The following EYA2 variants were observed in gnomAD, a reference collection of about 807,000 sequenced individuals.
The protein encoded by EYA2 is EYA transcriptional coactivator and phosphatase 2.
Under a neutral mutation model 69.2 loss-of-function variants are expected in EYA2, and 31 were observed. That is an observed-to-expected ratio of 0.45 (90% CI 0.34 to 0.60). The LOEUF is 0.60. Among genes scored for constraint, EYA2 ranks in the 20% least tolerant of loss-of-function variants. The probability of loss-of-function intolerance (pLI) is 0.02; values close to 1 mark genes in which losing one functional copy is unlikely to be tolerated. For synonymous variants in EYA2, 257 were observed against 279.4 expected (o/e 0.92, Z 0.80); for missense variants, 622 against 701.2 (o/e 0.89, Z 1.28).
At chr20:47,101,527 G>A (rs1404634934) in intron 9 of EYA2, among the ~76,000 whole-genome samples, 4 of 152,150 alleles carry the variant, frequency 2.6e-5, no homozygotes, top group Admixed American at 1.3e-4. Flanking sequence ...GGCTGTCATG[G>A]CCAGTTAAAA....
chr20:47,175,745 G>T (rs931698927), intron 12 of EYA2, among the ~76,000 whole-genome samples: 3 of 152,160 alleles, frequency 2.0e-5, no homozygotes, highest in African/African-American at 7.2e-5. Context: ...AAGACAGCAC[G>T]TTGGGAAGCC....
chr20:47,124,621 C>T (rs530527156), intron 9 of EYA2, among the ~76,000 whole-genome samples: 2 of 152,212 alleles, frequency 1.3e-5, no homozygotes, highest in Admixed American at 1.3e-4. Flanking sequence ...TGCCCCTCAG[C>T]CCTGGGCAGT....
Position 46,941,025 on chromosome 20 carries a change from A to G in EYA2, c.-11+46038A>G, listed in dbSNP as rs73622689. Among the ~76,000 whole-genome samples, 580 of 152,346 alleles carry G rather than the reference A, an allele frequency of 3.8e-3. 11 individuals carry two copies. In the East Asian group the frequency reaches 0.051, roughly 13 times the overall value. ...GGCAACTATGAAATCAACAGTGGGAAAGGTGCAAGAGGCCCCATCTTCCCA... is the reference window on the plus strand; with the variant it reads ...GGCAACTATGAAATCAACAGTGGGAGAGGTGCAAGAGGCCCCATCTTCCCA... On this transcript the variant is annotated intron_variant, in intron 1 of 15. Transcript: ENST00000327619.
intron 15 of EYA2, among the ~76,000 whole-genome samples, chr20:47,184,498 G>T (rs2034598835): frequency 1.4e-5 from 2 of 147,258 alleles, no homozygotes; most frequent in African/African-American, 5.1e-5. Flanking sequence ...GCTTACTGCA[G>T]CCTCTACCTA....
At chr20:46,951,029 A>G (rs1214258128) in intron 1 of EYA2, among the ~76,000 whole-genome samples, 1 of 152,196 alleles carries the variant, frequency 6.6e-6, no homozygotes, top group African/African-American at 2.4e-5. Context: ...TATACCCCAC[A>G]TATGCCAGAA....
chr20:46,934,940 C>G (rs549952594), intron 1 of EYA2, among the ~76,000 whole-genome samples: 1 of 152,322 alleles, frequency 6.6e-6, no homozygotes, highest in African/African-American at 2.4e-5. Context: ...TTTTTAAATT[C>G]ATTCATCCAA....
intron 10 of EYA2, chr20:47,161,481 T>C (rs948231037): frequency 1.0e-4 from 46 of 450,814 alleles, no homozygotes; most frequent in African/African-American, 7.8e-4. Flanking sequence ...GAAGAAGAGA[T>C]AGATCTCCTC....
At chr20:47,184,419 T>C (rs2034596935) in intron 15 of EYA2, among the ~76,000 whole-genome samples, 1 of 149,748 alleles carries the variant, frequency 6.7e-6, no homozygotes, top group African/African-American at 2.5e-5. Flanking sequence ...ATCCCTTTTT[T>C]TTTTTTTTTT....
At chr20:46,982,027 A>G (rs181258888) in intron 1 of EYA2, among the ~76,000 whole-genome samples, 5 of 152,330 alleles carry the variant, frequency 3.3e-5, no homozygotes, top group Admixed American at 3.3e-4. Flanking sequence ...TAGTACTTTT[A>G]CCATTTCCAA....
intron 12 of EYA2, among the ~76,000 whole-genome samples, chr20:47,173,278 CTG>C (rs1398724911): frequency 1.3e-5 from 2 of 152,018 alleles, no homozygotes; most frequent in African/African-American, 2.4e-5. Context: ...GGCCCAGAAT[CTG>C]TGTTTTCACA....
chr20:46,931,844 T>C (rs1985683903), intron 1 of EYA2, among the ~76,000 whole-genome samples: 1 of 152,062 alleles, frequency 6.6e-6, no homozygotes, highest in South Asian at 2.1e-4. Flanking sequence ...CCGTCCAAGC[T>C]GATCAAGCAT....
Position 47,188,500 on chromosome 20 carries a change from C to A in EYA2, c.*367C>A. The A allele has an allele frequency of 1.9e-6, 1 of 516,914 alleles. No homozygotes were observed. The highest frequency in any genetic ancestry group is 2.9e-5 in the East Asian group (1 of 34,854). The allele number at this position is 516,914 out of a possible 1,614,324, so 32.0% of individuals were successfully genotyped here. The stretch of plus-strand genomic sequence containing the variant: ...AATTTATGGACTAGTCTCATTACTC[C>A]GGAATTATGCTCTTGTACCTGTGTG... On this transcript the variant is annotated 3_prime_UTR_variant, in exon 16 of 16. Transcript: ENST00000327619.
intron 1 of EYA2, among the ~76,000 whole-genome samples, chr20:46,956,574 A>G (rs144058591): frequency 2.1e-3 from 321 of 152,310 alleles, no homozygotes; most frequent in African/African-American, 7.2e-3. Flanking sequence ...CTGGTATCCA[A>G]GGTCTTAATG....
intron 1 of EYA2, among the ~76,000 whole-genome samples, chr20:46,905,930 C>G (rs1392827605): frequency 3.3e-5 from 5 of 152,190 alleles, no homozygotes; most frequent in Non-Finnish European, 7.3e-5. Flanking sequence ...CAGGCACATT[C>G]CTTACTGTTC....
intron 2 of EYA2, among the ~76,000 whole-genome samples, chr20:46,996,907 A>T (rs1982060942): frequency 6.6e-6 from 1 of 151,848 alleles, no homozygotes; most frequent in African/African-American, 2.4e-5. Flanking sequence ...AAAAAAAAAA[A>T]GAACAAATTA....
intron 4 of EYA2, among the ~76,000 whole-genome samples, chr20:47,005,866 A>G (rs1192229570): frequency 1.3e-5 from 2 of 152,152 alleles, no homozygotes; most frequent in African/African-American, 2.4e-5. Context: ...GAGTCATGCT[A>G]TTCCCTCGCC....
At chr20:47,098,830 C>A (rs1467854026) in intron 9 of EYA2, among the ~76,000 whole-genome samples, 2 of 152,214 alleles carry the variant, frequency 1.3e-5, no homozygotes, top group South Asian at 2.1e-4. Context: ...GTGGCTTCCC[C>A]ATTGACAAGC....
At chr20:47,089,501 A>G in intron 8 of EYA2, 120 bp downstream of exon 8, 7 of 1,184,832 alleles carry the variant, frequency 5.9e-6, no homozygotes, top group Non-Finnish European at 7.0e-6. Flanking sequence ...TGTTTTACAA[A>G]GCATGAGCAG....
intron 12 of EYA2, among the ~76,000 whole-genome samples, chr20:47,179,177 G>GA (rs764038681): frequency 3.3e-5 from 5 of 151,386 alleles, no homozygotes; most frequent in Non-Finnish European, 7.4e-5. Flanking sequence ...CAAGTACTTA[G>GA]AAGGTACTCC....
Sources: gnomAD v4.1 joint callset for allele counts (sites outside exome capture counted in the v4.1 genomes callset) on GRCh38, gnomAD v4.1.1 for gene constraint, MANE v1.5 for transcripts, NCBI Gene and HGNC (gene_info 2026-07-23, HGNC 2026-07-21) for gene names.